The following RANBP2 variants were observed in gnomAD, a reference collection of about 807,000 sequenced individuals.
RANBP2 encodes E3 SUMO-protein ligase RanBP2.
A neutral mutation model predicts 303.6 loss-of-function variants in RANBP2; 57 were observed. That is an observed-to-expected ratio of 0.19 (90% CI 0.15 to 0.23). The LOEUF is 0.23. Among genes scored for constraint, RANBP2 ranks in the 10% least tolerant of loss-of-function variants. The pLI, the probability that RANBP2 is intolerant of heterozygous loss-of-function variation, is 1.00. For synonymous variants in RANBP2, 1,167 were observed against 1,301.5 expected, an observed-to-expected ratio of 0.90 and a Z score of 2.23; for missense variants, 3,138 against 3,780.8, an observed-to-expected ratio of 0.83 and a Z score of 4.46.
chr2:108,786,761 G>A, downstream of RANBP2: 1 of 1,460,784 alleles, frequency 6.8e-7, no homozygotes. Context: ...CACTGCGGCC[G>A]CGTAGCGCCG....
At chr2:109,689,364 A>G in the RANBP2 span, among the ~76,000 whole-genome samples, 1 of 152,090 alleles carries the variant, frequency 6.6e-6, no homozygotes, top group Non-Finnish European at 1.5e-5. Context: ...AGGTTGGGGG[A>G]CATGTGACAT....
At chr2:109,249,532 T>TCTTTCTTTCTTTCCTTCC in the RANBP2 span, among the ~76,000 whole-genome samples, 1 of 96,448 alleles carries the variant, frequency 1.0e-5, no homozygotes, top group Non-Finnish European at 2.0e-5. Flanking sequence ...TCTTTCTTTC[T>TCTTTCTTTCTTTCCTTCC]TTCCTTCCTT....
the RANBP2 span, among the ~76,000 whole-genome samples, chr2:108,886,528 C>T: frequency 1.3e-5 from 2 of 152,204 alleles, no homozygotes; most frequent in African/African-American, 2.4e-5. Flanking sequence ...CGTTCTCCTG[C>T]CTCAGCCTCC....
chr2:108,775,372 CT>C lies in RANBP2; in HGVS notation c.8293-353del, dbSNP rs199580809. Among the ~76,000 whole-genome samples the C allele has an allele frequency of 5.0e-3, 762 of 152,230 alleles. 4 individuals carry two copies. The highest frequency in any genetic ancestry group is 0.021 in the South Asian group (102 of 4,816). On this transcript the variant is annotated intron_variant, in intron 23 of 28. Transcript: ENST00000283195. ...TGCACTTGAGAAGAAAGTAGAGTCT[CT>C]TTTTTTGCTGACATTGTGCCATTGG...
the RANBP2 span, among the ~76,000 whole-genome samples, chr2:109,349,356 C>T: frequency 2.0e-5 from 3 of 152,188 alleles, no homozygotes; most frequent in Admixed American, 1.3e-4. Context: ...ATGCTAATTC[C>T]GATTGTCATC....
chr2:109,323,010 G>A, the RANBP2 span, among the ~76,000 whole-genome samples: 874 of 152,326 alleles, frequency 5.7e-3, 9 homozygotes, highest in African/African-American at 0.02. Context: ...GTGTTGCAGA[G>A]GGATTTTCTT....
At chr2:109,244,773 T>A in the RANBP2 span, among the ~76,000 whole-genome samples, 1 of 152,166 alleles carries the variant, frequency 6.6e-6, no homozygotes, top group Non-Finnish European at 1.5e-5. Context: ...TGAGGCAGCC[T>A]GTGGCCCAGG....
the RANBP2 span, among the ~76,000 whole-genome samples, chr2:108,874,269 A>T: frequency 6.6e-6 from 1 of 152,072 alleles, no homozygotes; most frequent in East Asian, 1.9e-4. Flanking sequence ...TGGTAACGGG[A>T]TTTATTTTAG....
chr2:108,788,020 T>C (rs1211726683), downstream of RANBP2: 3 of 1,500,054 alleles, frequency 2.0e-6, no homozygotes, highest in Middle Eastern at 2.2e-4. Flanking sequence ...AATCTTTTCT[T>C]TTTTTTTTTA....
At chr2:109,578,371 A>G in the RANBP2 span, among the ~76,000 whole-genome samples, 1 of 152,356 alleles carries the variant, frequency 6.6e-6, no homozygotes, top group East Asian at 1.9e-4. Flanking sequence ...AAAGCTGCAG[A>G]CAATACTGAC....
At chr2:109,611,000 C>T in the RANBP2 span, among the ~76,000 whole-genome samples, 172 of 152,248 alleles carry the variant, frequency 1.1e-3, 2 homozygotes, top group Middle Eastern at 0.017. Flanking sequence ...TGCGTGCTAA[C>T]GGAGAACCCA....
the RANBP2 span, among the ~76,000 whole-genome samples, chr2:109,671,728 G>T: frequency 1.3e-5 from 2 of 152,122 alleles, no homozygotes; most frequent in Non-Finnish European, 2.9e-5. Context: ...GGGGAAAAAA[G>T]GTATGGCACC....
At chr2:108,876,333 C>G in the RANBP2 span, 3 of 768,038 alleles carry the variant, frequency 3.9e-6, no homozygotes, top group Non-Finnish European at 6.0e-6. Context: ...ACAATTCTAC[C>G]AAGTAAAGTT....
the RANBP2 span, among the ~76,000 whole-genome samples, chr2:109,577,511 G>A: frequency 6.6e-6 from 1 of 151,838 alleles, no homozygotes; most frequent in East Asian, 1.9e-4. Flanking sequence ...AGAACTGCTG[G>A]AGTGCAGGAG....
intron 1 of RANBP2, among the ~76,000 whole-genome samples, chr2:108,723,451 A>G (rs2378183): frequency 2.6e-4 from 40 of 151,872 alleles, no homozygotes; most frequent in African/African-American, 7.7e-4. Flanking sequence ...ATTTTTTAGT[A>G]TTTTTAGTAG....
chr2:109,549,577 T>C, the RANBP2 span, among the ~76,000 whole-genome samples: 1 of 152,298 alleles, frequency 6.6e-6, no homozygotes, highest in African/African-American at 2.4e-5. Context: ...TCTCAAAAAA[T>C]TAAAAACAAG....
At chr2:108,897,498 A>G in the RANBP2 span, among the ~76,000 whole-genome samples, 1 of 152,174 alleles carries the variant, frequency 6.6e-6, no homozygotes, top group South Asian at 2.1e-4. Context: ...TGACAATGAT[A>G]ATAATTCCCT....
At chr2:109,188,472 C>T in the RANBP2 span, among the ~76,000 whole-genome samples, 1 of 152,204 alleles carries the variant, frequency 6.6e-6, no homozygotes, top group African/African-American at 2.4e-5. Flanking sequence ...TTGTTTCCCC[C>T]TGGGGTTTGT....
At chr2:109,556,171 C>G in the RANBP2 span, among the ~76,000 whole-genome samples, 1 of 152,154 alleles carries the variant, frequency 6.6e-6, no homozygotes, top group Non-Finnish European at 1.5e-5. Context: ...CTACCAGTAG[C>G]TGCCCTTTCC....
Sources: allele counts gnomAD v4.1 joint callset (sites outside exome capture counted in the v4.1 genomes callset), GRCh38; gene constraint gnomAD v4.1.1; transcripts MANE v1.5; gene names NCBI Gene and HGNC (gene_info 2026-07-23, HGNC 2026-07-21).